Variants in IFT52 observed in about 807,000 individuals in gnomAD.
IFT52 encodes the protein intraflagellar transport protein 52 homolog.
In IFT52, 44 loss-of-function variants were observed where a neutral mutation model predicts 54.4. The ratio of observed to expected loss-of-function variants is 0.81; its 90% confidence interval spans 0.63 to 1.04. The LOEUF is 1.04. Ranked by LOEUF, IFT52 falls within the 50% of genes least tolerant of loss-of-function variation. IFT52 has a pLI of 0.00. For synonymous variants in IFT52, 181 were observed against 185.3 expected (o/e 0.98, Z 0.19); for missense variants, 452 against 523.6 (o/e 0.86, Z 1.33).
Position 43,643,086 on chromosome 20 carries a change from G to A in IFT52, c.1266+462G>A, listed in dbSNP as rs535370738. 3.3e-5 allele frequency among the ~76,000 whole-genome samples: 5 copies of A among 151,442 alleles called. No individual in the cohort carries two copies. The East Asian group carries it at 9.8e-4, about 30-fold the overall frequency. ...GGAGGCTGAGGCAGATGAATCACTT[G>A]AACCCAGAAGGCAGAGGTTGTGGTG... On this transcript the variant is annotated intron_variant, in intron 13 of 13. Coordinates refer to ENST00000373030, the MANE Select transcript of IFT52 (RefSeq NM_016004.5).
intron 6 of IFT52, among the ~76,000 whole-genome samples, chr20:43,609,493 C>T (rs574800325): frequency 4.0e-5 from 6 of 151,850 alleles, no homozygotes; most frequent in East Asian, 3.9e-4. Context: ...AAGCATATGC[C>T]GGACGCGGTG....
intron 12 of IFT52, among the ~76,000 whole-genome samples, chr20:43,638,645 A>G (rs1169838457): frequency 6.6e-6 from 1 of 151,678 alleles, no homozygotes; most frequent in Non-Finnish European, 1.5e-5. Context: ...TTAAAAATAG[A>G]AAAAAACTAT....
rs771951919 is a variant in IFT52, at chr20:43,624,005, A to G, written c.883A>G (p.Ile295Val). ...CTTTACCACCCTCTTCGACCTGTCC[A>G]TCTTCCAGCTGGATACCACCTCCTT... ...RDFTTLFDLSIFQLDTTSFHS... is the reference protein window; with the variant it reads ...RDFTTLFDLSVFQLDTTSFHS... The change falls in exon 10 of 14, where the codon ATC becomes GTC. Residue 295 changes from isoleucine (I) to valine (V), a missense_variant. Transcript: ENST00000373030. 6.2e-6 allele frequency: 10 copies of G among 1,614,174 alleles called. No homozygotes were observed. In the East Asian group the frequency reaches 1.8e-4, roughly 29 times the overall value.
intron 10 of IFT52, among the ~76,000 whole-genome samples, chr20:43,629,381 G>A (rs1048192622): frequency 4.6e-5 from 7 of 151,726 alleles, no homozygotes; most frequent in African/African-American, 9.7e-5. Context: ...CACGCCATTC[G>A]TCGGCCTCAG....
chr20:43,599,675 CT>C (rs1982269288), intron 3 of IFT52, among the ~76,000 whole-genome samples: 1 of 152,088 alleles, frequency 6.6e-6, no homozygotes, highest in African/African-American at 2.4e-5. Context: ...TGTGTGATGC[CT>C]TTTTCATGTT....
intron 3 of IFT52, among the ~76,000 whole-genome samples, chr20:43,597,231 C>T (rs980055399): frequency 2.6e-5 from 4 of 151,452 alleles, no homozygotes; most frequent in East Asian, 3.9e-4. Context: ...ATTAGCCAGG[C>T]GTGGTGGCGC....
At chr20:43,607,755 C>CA (rs1215763151) in intron 6 of IFT52, among the ~76,000 whole-genome samples, 7 of 152,074 alleles carry the variant, frequency 4.6e-5, no homozygotes, top group Admixed American at 4.6e-4. Flanking sequence ...GGCGGCCGGG[C>CA]AGAGGCTGCA....
chr20:43,620,932 AC>A lies in IFT52; in HGVS notation c.768+9del, dbSNP rs753946862. On this transcript the variant is annotated splice_region_variant and intron_variant, in intron 9 of 13. Coordinates refer to ENST00000373030, the MANE Select transcript of IFT52 (RefSeq NM_016004.5). ...TGATGCTGAGGACCCAGAGGTAGACACCGAATTATTAGAAACTTTTAAATGA... is the reference window on the plus strand; with the variant it reads ...TGATGCTGAGGACCCAGAGGTAGACACGAATTATTAGAAACTTTTAAATGA... 1.6e-4 allele frequency: 251 copies of A among 1,604,208 alleles called. No homozygotes were observed. Among genetic ancestry groups the A allele is most frequent in the Non-Finnish European group, 2.1e-4 (242 of 1,173,090 alleles).
At chr20:43,615,536 G>C (rs1471636547) in intron 7 of IFT52, among the ~76,000 whole-genome samples, 2 of 151,538 alleles carry the variant, frequency 1.3e-5, no homozygotes, top group Non-Finnish European at 2.9e-5. Context: ...GGGCGTGGTG[G>C]CTCACACCTG....
intron 1 of IFT52, among the ~76,000 whole-genome samples, chr20:43,593,360 C>A (rs993931426): frequency 2.0e-5 from 3 of 151,986 alleles, no homozygotes; most frequent in Admixed American, 2.0e-4. Context: ...ATGAGTATAA[C>A]TTTTTGGAGG....
At chr20:43,639,350 C>T (rs1339197343) in intron 12 of IFT52, among the ~76,000 whole-genome samples, 2 of 151,486 alleles carry the variant, frequency 1.3e-5, no homozygotes, top group African/African-American at 4.9e-5. Flanking sequence ...CCAGCTTGGA[C>T]AACATAATGA....
At chr20:43,633,492 G>A (rs576307199) in intron 10 of IFT52, among the ~76,000 whole-genome samples, 13 of 151,934 alleles carry the variant, frequency 8.6e-5, no homozygotes, top group Admixed American at 5.2e-4. Flanking sequence ...GGTGGATCAC[G>A]AGGTCAGGAG....
chr20:43,612,639 C>G (rs1460357043), intron 6 of IFT52, among the ~76,000 whole-genome samples: 1 of 152,002 alleles, frequency 6.6e-6, no homozygotes, highest in Non-Finnish European at 1.5e-5. Context: ...CTGCAGTGAG[C>G]CATGTTCATA....
chr20:43,608,810 A>C (rs1433210607), intron 6 of IFT52, among the ~76,000 whole-genome samples: 2 of 152,178 alleles, frequency 1.3e-5, no homozygotes, highest in African/African-American at 4.8e-5. Flanking sequence ...CAGGAGACTG[A>C]GGCTGGAGAA....
intron 12 of IFT52, 134 bp downstream of exon 12, chr20:43,637,387 C>T (rs1016586443): frequency 4.3e-5 from 20 of 464,144 alleles, no homozygotes; most frequent in East Asian, 3.1e-4. Context: ...CTCAGCCTCC[C>T]GAGTAGCTGG....
At chr20:43,604,133 C>T (rs1328553633) in intron 4 of IFT52, 50 bp from the exon 5 acceptor site, 3 of 1,450,406 alleles carry the variant, frequency 2.1e-6, no homozygotes, top group Admixed American at 1.7e-5. Context: ...TCTATAATAT[C>T]GAATTTATTT....
chr20:43,630,050 C>T (rs1214105058), intron 10 of IFT52, among the ~76,000 whole-genome samples: 1 of 152,148 alleles, frequency 6.6e-6, no homozygotes, highest in Non-Finnish European at 1.5e-5. Context: ...CCAAAGCCTT[C>T]AGAGCTACCA....
chr20:43,593,585 A>C (rs1471838132), intron 1 of IFT52, among the ~76,000 whole-genome samples: 1 of 152,148 alleles, frequency 6.6e-6, no homozygotes, highest in East Asian at 1.9e-4. Context: ...GTTGTTGTTT[A>C]AAGACAGGGT....
At chr20:43,599,987 C>T (rs1242264035) in intron 3 of IFT52, among the ~76,000 whole-genome samples, 1 of 152,050 alleles carries the variant, frequency 6.6e-6, no homozygotes, top group Non-Finnish European at 1.5e-5. Context: ...ATATAACTTC[C>T]TAACTTTAAT....
Sources: gnomAD v4.1 joint callset for allele counts (sites outside exome capture counted in the v4.1 genomes callset) on GRCh38, gnomAD v4.1.1 for gene constraint, MANE v1.5 for transcripts, NCBI Gene and HGNC (gene_info 2026-07-23, HGNC 2026-07-21) for gene names.